The following SEMA5A variants were observed in gnomAD, a reference collection of about 807,000 sequenced individuals.
SEMA5A encodes the protein semaphorin-5A.
Under a neutral mutation model 135.5 loss-of-function variants are expected in SEMA5A, and 55 were observed. The observed-to-expected ratio is 0.41, with a 90% CI of 0.33 to 0.51. The LOEUF (loss-of-function observed/expected upper bound fraction) is 0.51, where lower values mean the gene tolerates loss of function less well. Among genes scored for constraint, SEMA5A ranks in the 20% least tolerant of loss-of-function variants. The pLI is 0.37. For synonymous variants in SEMA5A, 580 were observed against 546.5 expected (o/e 1.06, Z -0.85); for missense variants, 1,290 against 1,419.9 (o/e 0.91, Z 1.47).
rs1312187767 is a variant in SEMA5A, at chr5:9,526,896, GT to G, written c.-175+18687del. Among the ~76,000 whole-genome samples, 5 of 152,322 alleles carry G rather than the reference GT, an allele frequency of 3.3e-5. No individual in the cohort carries two copies. The East Asian group carries it at 9.6e-4, about 29-fold the overall frequency. On this transcript the variant is annotated intron_variant, in intron 1 of 22. Coordinates refer to ENST00000382496, the MANE Select transcript of SEMA5A (RefSeq NM_003966.3). ...GACATACTCAGTAAAAGATGCTGGA[GT>G]TTTTAACTTCTCAAGCTGTTCCCCT...
chr5:9,256,710 T>C (rs1749089473), intron 5 of SEMA5A, among the ~76,000 whole-genome samples: 1 of 152,224 alleles, frequency 6.6e-6, no homozygotes, highest in Non-Finnish European at 1.5e-5. Context: ...CTTGGAAGTC[T>C]GACTGCCCCA....
At chr5:9,497,445 G>A (rs1034124755) in intron 1 of SEMA5A, among the ~76,000 whole-genome samples, 8 of 152,170 alleles carry the variant, frequency 5.3e-5, no homozygotes, top group African/African-American at 1.9e-4. Flanking sequence ...GGAGAAACTA[G>A]CCAGAGCTTC....
At chr5:9,162,833 G>A (rs1238651338) in intron 11 of SEMA5A, among the ~76,000 whole-genome samples, 1 of 152,048 alleles carries the variant, frequency 6.6e-6, no homozygotes, top group East Asian at 1.9e-4. Context: ...AGAAAAGCAA[G>A]GTCCAGAAAT....
chr5:9,134,357 AG>A (rs1741613118), intron 13 of SEMA5A, among the ~76,000 whole-genome samples: 2 of 152,222 alleles, frequency 1.3e-5, no homozygotes, highest in African/African-American at 4.8e-5. Context: ...TATGTTGCCC[AG>A]GCTGGTCTCA....
chr5:9,245,492 T>G (rs1333231379), intron 5 of SEMA5A, among the ~76,000 whole-genome samples: 1 of 152,168 alleles, frequency 6.6e-6, no homozygotes, highest in Non-Finnish European at 1.5e-5. Context: ...ATCCAAGCAT[T>G]TCTGTATTTT....
At chr5:9,077,508 GA>G (rs1223626440) in intron 16 of SEMA5A, among the ~76,000 whole-genome samples, 2 of 152,198 alleles carry the variant, frequency 1.3e-5, no homozygotes, top group Non-Finnish European at 2.9e-5. Flanking sequence ...TTTCTAAGTA[GA>G]AAATCATCCA....
At chr5:9,375,181 T>C (rs939598459) in intron 3 of SEMA5A, among the ~76,000 whole-genome samples, 3 of 152,130 alleles carry the variant, frequency 2.0e-5, no homozygotes, top group Non-Finnish European at 4.4e-5. Context: ...CTGAAACTGC[T>C]CCGATAAATG....
chr5:9,063,835 T>C (rs1222765233), intron 17 of SEMA5A, among the ~76,000 whole-genome samples: 3 of 152,218 alleles, frequency 2.0e-5, no homozygotes, highest in Non-Finnish European at 4.4e-5. Flanking sequence ...CAACAGGCTT[T>C]GAGGACATAT....
At chr5:9,254,402 T>C (rs780775246) in intron 5 of SEMA5A, among the ~76,000 whole-genome samples, 5 of 152,134 alleles carry the variant, frequency 3.3e-5, no homozygotes, top group Admixed American at 1.3e-4. Flanking sequence ...GAAGGGAAGA[T>C]AGAAGTTCTT....
intron 5 of SEMA5A, among the ~76,000 whole-genome samples, chr5:9,255,023 T>C (rs144084094): frequency 2.4e-4 from 36 of 152,272 alleles, no homozygotes; most frequent in African/African-American, 8.2e-4. Flanking sequence ...AAGGCATCCA[T>C]TGCTCTGGAC....
Position 9,353,266 on chromosome 5 carries a change from A to G in SEMA5A, c.125-15454T>C, listed in dbSNP as rs1295642060. ...AAAGGGAAGGGAAGGGAAGGGAAGC[A>G]AAGGAAAGGAAAGGAAAGGAGGGAA... On this transcript the variant is annotated intron_variant, in intron 3 of 22. Coordinates refer to ENST00000382496, the MANE Select transcript of SEMA5A (RefSeq NM_003966.3). Among the ~76,000 whole-genome samples, 246 of 137,618 alleles carry G rather than the reference A, an allele frequency of 1.8e-3. 11 individuals carry two copies. Among genetic ancestry groups the G allele is most frequent in the African/African-American group, 6.8e-3 (228 of 33,572 alleles). The allele number at this position is 137,618 out of a possible 152,430, so 90.3% of individuals were successfully genotyped here.
intron 8 of SEMA5A, 152 bp from the exon 9 acceptor site, chr5:9,202,392 AT>A: frequency 4.7e-5 from 24 of 514,952 alleles, no homozygotes; most frequent in South Asian, 2.1e-4. Flanking sequence ...GAGCAGCTTA[AT>A]GATCTACACT....
intron 11 of SEMA5A, among the ~76,000 whole-genome samples, chr5:9,183,758 C>G (rs1221102914): frequency 2.0e-5 from 3 of 152,238 alleles, no homozygotes; most frequent in Admixed American, 2.0e-4. Flanking sequence ...CTCACTTGCC[C>G]TCTTTCCACA....
intron 14 of SEMA5A, among the ~76,000 whole-genome samples, chr5:9,120,198 G>T (rs1740738560): frequency 6.6e-6 from 1 of 151,590 alleles, no homozygotes; most frequent in African/African-American, 2.4e-5. Context: ...CATTTCTTTG[G>T]ATATTTGTCA....
chr5:9,381,973 TGTGTGTGTGCGCGCGC>T (rs746342913), intron 2 of SEMA5A, among the ~76,000 whole-genome samples: 7,181 of 132,458 alleles, frequency 0.054, 208 homozygotes, highest in Middle Eastern at 0.087. Flanking sequence ...TGTGTGTGTG[TGTGTGTGTGCGCGCGC>T]GCGCACATCA....
chr5:9,354,861 G>C (rs1173164842), intron 3 of SEMA5A, among the ~76,000 whole-genome samples: 4 of 152,124 alleles, frequency 2.6e-5, no homozygotes, highest in African/African-American at 9.7e-5. Context: ...CTAGGCAAAG[G>C]GCATTCCAAG....
chr5:9,161,478 C>CA (rs1031029110), intron 11 of SEMA5A, among the ~76,000 whole-genome samples: 13 of 151,918 alleles, frequency 8.6e-5, no homozygotes, highest in African/African-American at 2.9e-4. Context: ...CCAAGGTTTC[C>CA]AAAAAAATTA....
chr5:9,128,786 T>TTTTCTCCACTGCCCCAGAG (rs1741250217), intron 13 of SEMA5A, among the ~76,000 whole-genome samples: 1 of 152,202 alleles, frequency 6.6e-6, no homozygotes, highest in African/African-American at 2.4e-5. Context: ...CTGGTCTTCC[T>TTTTCTCCACTGCCCCAGAG]TTTCTCCACT....
intron 8 of SEMA5A, among the ~76,000 whole-genome samples, chr5:9,206,538 ATTCT>A (rs946622065): frequency 1.5e-4 from 23 of 152,252 alleles, no homozygotes; most frequent in African/African-American, 5.3e-4. Context: ...CCCATTCTAT[ATTCT>A]TTCTATTCCA....
Sources: allele counts gnomAD v4.1 joint callset (sites outside exome capture counted in the v4.1 genomes callset), GRCh38; gene constraint gnomAD v4.1.1; transcripts MANE v1.5; gene names NCBI Gene and HGNC (gene_info 2026-07-23, HGNC 2026-07-21).